KANK1: variants seen among roughly 807,000 people sequenced by gnomAD.
KANK1 encodes KN motif and ankyrin repeat domain-containing protein 1.
Under a neutral mutation model 106.2 loss-of-function variants are expected in KANK1, and 109 were observed. The observed-to-expected ratio is 1.03, with a 90% CI of 0.88 to 1.20. The LOEUF (loss-of-function observed/expected upper bound fraction) is 1.20. Among genes scored for constraint, KANK1 ranks in the 50% most tolerant of loss-of-function variants. The probability of loss-of-function intolerance (pLI) is 0.00; values close to 1 mark genes in which losing one functional copy is unlikely to be tolerated. For missense variants in KANK1, 2,399 were observed against 1,710.7 expected (o/e 1.40, Z -7.10); for synonymous variants, 873 against 652.2 (o/e 1.34, Z -5.16).
chr9:696,701 C>G (rs959625569), intron 2 of KANK1, among the ~76,000 whole-genome samples: 5 of 151,990 alleles, frequency 3.3e-5, no homozygotes, highest in African/African-American at 1.2e-4. Context: ...TTTAGGCTTT[C>G]TTCTTTAAAG....
At chr9:680,690 G>T (rs1333936137) in intron 2 of KANK1, among the ~76,000 whole-genome samples, 1 of 152,050 alleles carries the variant, frequency 6.6e-6, no homozygotes. Context: ...CTGTGTACAC[G>T]GTTGCCAGAA....
intron 1 of KANK1, among the ~76,000 whole-genome samples, chr9:553,653 G>T (rs1229911994): frequency 1.3e-5 from 2 of 152,198 alleles, no homozygotes; most frequent in African/African-American, 2.4e-5. Context: ...CTGTTGTAAG[G>T]ATTTTGTTCC....
intron 1 of KANK1, among the ~76,000 whole-genome samples, chr9:524,559 C>A (rs1029340921): frequency 6.6e-6 from 1 of 151,746 alleles, no homozygotes; most frequent in African/African-American, 2.4e-5. Flanking sequence ...GGCCTGTCAC[C>A]CAGGCTGAAG....
At chr9:740,695 T>C in intron 8 of KANK1, 97 bp from the exon 9 acceptor site, 1 of 1,312,902 alleles carries the variant, frequency 7.6e-7, no homozygotes, top group Non-Finnish European at 1.0e-6. Flanking sequence ...ACCATTTCAC[T>C]GGGCTCCTGT....
chr9:539,363 A>C (rs146586684), intron 1 of KANK1, among the ~76,000 whole-genome samples: 45 of 152,310 alleles, frequency 3.0e-4, no homozygotes, highest in African/African-American at 1.1e-3. Context: ...TAACAGTGTT[A>C]ATTCTTCCAA....
At chr9:672,298 A>G (rs937494020) in intron 1 of KANK1, among the ~76,000 whole-genome samples, 2 of 152,224 alleles carry the variant, frequency 1.3e-5, no homozygotes, top group Non-Finnish European at 2.9e-5. Flanking sequence ...AAACAAGGTA[A>G]TAACTGTTAA....
chr9:517,062 G>A (rs998499738), intron 1 of KANK1, among the ~76,000 whole-genome samples: 1 of 148,206 alleles, frequency 6.7e-6, no homozygotes, highest in Non-Finnish European at 1.5e-5. Flanking sequence ...TCAGAGCCAC[G>A]AGGGAGCTAT....
chr9:593,350 C>A lies in KANK1; in HGVS notation c.-83-83540C>A, dbSNP rs540145258. On this transcript the variant is annotated intron_variant, in intron 1 of 11. Coordinates refer to ENST00000382297, the MANE Select transcript of KANK1 (RefSeq NM_015158.5). Reference sequence around the variant, plus strand: ...ACAGACAAAAAAAGGATTCTTGTATCCCACTTTTTGATCCTATTCCTAATA... The same window carrying A: ...ACAGACAAAAAAAGGATTCTTGTATACCACTTTTTGATCCTATTCCTAATA... Among the ~76,000 whole-genome samples, 50 of 151,792 alleles carry A rather than the reference C, an allele frequency of 3.3e-4. 2 individuals are homozygous for A. Among genetic ancestry groups the A allele is most frequent in the African/African-American group, 1.1e-3 (47 of 41,160 alleles).
At chr9:599,170 C>G (rs143130990) in intron 1 of KANK1, among the ~76,000 whole-genome samples, 1 of 151,002 alleles carries the variant, frequency 6.6e-6, no homozygotes, top group Admixed American at 6.6e-5. Flanking sequence ...AGGCACACAC[C>G]ACCATGCTTG....
At chr9:520,615 T>A (rs560405750) in intron 1 of KANK1, among the ~76,000 whole-genome samples, 32 of 151,778 alleles carry the variant, frequency 2.1e-4, no homozygotes, top group Non-Finnish European at 7.4e-5. Context: ...ACTCAAAAAA[T>A]TTAATGGCCT....
intron 1 of KANK1, among the ~76,000 whole-genome samples, chr9:604,704 C>G (rs1256350927): frequency 6.6e-6 from 1 of 151,648 alleles, no homozygotes; most frequent in African/African-American, 2.4e-5. Context: ...GTGGCGCACA[C>G]CTGTAATCTC....
At chr9:519,470 G>C (rs1279265584) in intron 1 of KANK1, among the ~76,000 whole-genome samples, 3 of 151,798 alleles carry the variant, frequency 2.0e-5, no homozygotes, top group Admixed American at 6.6e-5. Context: ...CTAGAGAAAA[G>C]TTTGAGAGGT....
intron 2 of KANK1, among the ~76,000 whole-genome samples, chr9:686,073 C>T (rs1329379764): frequency 6.6e-6 from 1 of 152,150 alleles, no homozygotes; most frequent in African/African-American, 2.4e-5. Flanking sequence ...TGGGGTATTT[C>T]CAGTAACTTA....
chr9:745,042 A>G, intron 11 of KANK1, 131 bp from the exon 12 acceptor site: 1 of 1,519,298 alleles, frequency 6.6e-7, no homozygotes, highest in South Asian at 1.3e-5. Context: ...CCCTGTTCTC[A>G]GCCAGAGCTC....
At position 711,314 on chromosome 9, in the gene KANK1, G is replaced by A. The variant is rs1826004581; in HGVS notation, c.548G>A (p.Arg183Lys). 1 of 1,614,166 alleles carries A rather than the reference G, an allele frequency of 6.2e-7. No individual in the cohort carries two copies. The highest frequency in any genetic ancestry group is 8.5e-7 in the Non-Finnish European group (1 of 1,180,034). The change falls in exon 3 of 12, where the codon AGG becomes AAG. Residue 183 changes from arginine to lysine, a missense_variant. Coordinates refer to ENST00000382297, the MANE Select transcript of KANK1 (RefSeq NM_015158.5). ...QMTPGEFRRP[R>K]LASFGGMGTT... ...ACACCGGGTGAGTTCAGAAGGCCCAGGCTGGCCAGTTTTGGAGGCATGGGC... is the reference window on the plus strand; with the variant it reads ...ACACCGGGTGAGTTCAGAAGGCCCAAGCTGGCCAGTTTTGGAGGCATGGGC...
chr9:691,426 A>T (rs1001910715), intron 2 of KANK1, among the ~76,000 whole-genome samples: 1 of 149,046 alleles, frequency 6.7e-6, no homozygotes, highest in African/African-American at 2.5e-5. Flanking sequence ...ATATTTATTT[A>T]TTATTATTTT....
At chr9:588,575 A>G (rs1248740437) in intron 1 of KANK1, among the ~76,000 whole-genome samples, 1 of 151,630 alleles carries the variant, frequency 6.6e-6, no homozygotes, top group Non-Finnish European at 1.5e-5. Context: ...ATTGGTAGTT[A>G]GCAATTTGAA....
At chr9:724,354 A>G (rs1830131125) in intron 3 of KANK1, among the ~76,000 whole-genome samples, 1 of 152,214 alleles carries the variant, frequency 6.6e-6, no homozygotes, top group African/African-American at 2.4e-5. Context: ...GAAGCTAGTA[A>G]TGGGAAGACA....
chr9:613,290 G>A (rs1563861598), intron 1 of KANK1, among the ~76,000 whole-genome samples: 2 of 150,776 alleles, frequency 1.3e-5, no homozygotes, highest in East Asian at 3.9e-4. Context: ...GGACCATGCT[G>A]TGAACAGCAC....
Sources: allele counts gnomAD v4.1 joint callset (sites outside exome capture counted in the v4.1 genomes callset), GRCh38; gene constraint gnomAD v4.1.1; transcripts MANE v1.5; gene names NCBI Gene and HGNC (gene_info 2026-07-23, HGNC 2026-07-21).